Variants in CNTN5 observed in about 807,000 individuals in gnomAD.
The protein encoded by CNTN5 is contactin-5.
Under a neutral mutation model 129.1 loss-of-function variants are expected in CNTN5, and 77 were observed. That is an observed-to-expected ratio of 0.60 (90% CI 0.50 to 0.72). The LOEUF is 0.72. CNTN5 is among the 30% of genes least tolerant of loss of function. The probability of loss-of-function intolerance (pLI) is 0.00; values close to 1 mark genes in which losing one functional copy is unlikely to be tolerated. For synonymous variants in CNTN5, 509 were observed against 465.6 expected, an observed-to-expected ratio of 1.09 and a Z score of -1.20; for missense variants, 1,478 against 1,328.8, an observed-to-expected ratio of 1.11 and a Z score of -1.75.
intron 8 of CNTN5, among the ~76,000 whole-genome samples, chr11:99,999,221 C>T (rs1370117494): frequency 2.0e-5 from 3 of 152,082 alleles, no homozygotes; most frequent in African/African-American, 7.2e-5. Flanking sequence ...GAACAGGCAA[C>T]CAATAAAATG....
At chr11:99,994,716 C>A (rs1939335353) in intron 8 of CNTN5, among the ~76,000 whole-genome samples, 1 of 152,190 alleles carries the variant, frequency 6.6e-6, no homozygotes, top group African/African-American at 2.4e-5. Flanking sequence ...TTGAGGACTG[C>A]TTCACAAGAG....
chr11:99,982,136 A>C (rs1177053196), intron 8 of CNTN5, among the ~76,000 whole-genome samples: 1 of 152,232 alleles, frequency 6.6e-6, no homozygotes, highest in Non-Finnish European at 1.5e-5. Flanking sequence ...TGATAACTTC[A>C]GTGAATGACT....
At chr11:99,547,275 A>T (rs959131771) in intron 2 of CNTN5, among the ~76,000 whole-genome samples, 47 of 152,266 alleles carry the variant, frequency 3.1e-4, no homozygotes, top group African/African-American at 1.1e-3. Flanking sequence ...AAGTGCTGGG[A>T]TTACAGGCGT....
Position 99,042,462 on chromosome 11 carries a change from G to A in CNTN5, c.-210+21192G>A, listed in dbSNP as rs981215339. Among the ~76,000 whole-genome samples, 6 of 132,868 alleles carry A rather than the reference G, an allele frequency of 4.5e-5. No homozygotes were observed. In the South Asian group the frequency reaches 8.0e-4, roughly 18 times the overall value. The allele number at this position is 132,868 out of a possible 152,430, so 87.2% of individuals were successfully genotyped here. On this transcript the variant is annotated intron_variant, in intron 1 of 24. Transcript: ENST00000524871. ...GCAATCTCGGCTCACTGCAAGCTCC[G>A]CCTCCTGGGTTCACACCATTCTCCT... is the stretch of plus-strand genomic sequence containing the variant.
At chr11:99,669,110 C>T (rs548537624) in intron 3 of CNTN5, among the ~76,000 whole-genome samples, 2 of 152,236 alleles carry the variant, frequency 1.3e-5, no homozygotes, top group East Asian at 1.9e-4. Context: ...AGAGCATCTT[C>T]AGTTCTGCCA....
chr11:99,039,074 T>G (rs1385185304), intron 1 of CNTN5, among the ~76,000 whole-genome samples: 2 of 152,132 alleles, frequency 1.3e-5, no homozygotes, highest in South Asian at 2.1e-4. Context: ...AAAGACTTGT[T>G]TTCAAATTAA....
At chr11:99,413,320 A>G (rs1373076001) in intron 2 of CNTN5, among the ~76,000 whole-genome samples, 1 of 152,204 alleles carries the variant, frequency 6.6e-6, no homozygotes, top group African/African-American at 2.4e-5. Flanking sequence ...ACAAGTTATC[A>G]TTAAAGAATT....
chr11:99,934,649 C>A (rs1356472953), intron 7 of CNTN5, among the ~76,000 whole-genome samples: 1 of 151,876 alleles, frequency 6.6e-6, no homozygotes, highest in African/African-American at 2.4e-5. Context: ...CAGCACAAGG[C>A]CATGGTGGGT....
intron 3 of CNTN5, among the ~76,000 whole-genome samples, chr11:99,684,128 C>A (rs1234425461): frequency 1.3e-5 from 2 of 151,710 alleles, no homozygotes; most frequent in East Asian, 3.9e-4. Context: ...CACTTTCACT[C>A]CCTGTTTCTA....
rs1943684778 is a variant in CNTN5, at chr11:99,438,446, G to A, written c.-71+112962G>A. Among the ~76,000 whole-genome samples the A allele has an allele frequency of 5.3e-5, 8 of 151,882 alleles. 1 individual carries two copies. The highest frequency in any genetic ancestry group is 5.3e-4 in the Admixed American group (8 of 15,220). On this transcript the variant is annotated intron_variant, in intron 2 of 24. Transcript: ENST00000524871. The stretch of plus-strand genomic sequence containing the variant: ...ACCTGGCAGTCAGACTTCAGAAACT[G>A]GTCTCTTACACAATTTTAGGTCACC...
intron 7 of CNTN5, among the ~76,000 whole-genome samples, chr11:99,946,000 C>T (rs1053709974): frequency 1.3e-5 from 2 of 152,006 alleles, no homozygotes; most frequent in African/African-American, 4.8e-5. Context: ...CGTTGTTTGA[C>T]ATAAAGTATC....
At chr11:99,219,104 G>T (rs1860272423) in intron 1 of CNTN5, among the ~76,000 whole-genome samples, 1 of 151,838 alleles carries the variant, frequency 6.6e-6, no homozygotes. Flanking sequence ...TAATAGAGGG[G>T]CTTAACATTT....
At chr11:99,838,938 C>T (rs1175526480) in intron 4 of CNTN5, among the ~76,000 whole-genome samples, 1 of 152,078 alleles carries the variant, frequency 6.6e-6, no homozygotes, top group African/African-American at 2.4e-5. Flanking sequence ...AAATTAAGCT[C>T]AACTCCTTGA....
At chr11:99,049,726 G>T (rs552654262) in intron 1 of CNTN5, 15 of 152,236 alleles carry the variant, frequency 9.9e-5, no homozygotes, top group African/African-American at 3.1e-4. Flanking sequence ...TGAATCCACA[G>T]ATGTGTAACC....
intron 3 of CNTN5, among the ~76,000 whole-genome samples, chr11:99,620,916 T>A (rs981371975): frequency 7.9e-6 from 1 of 126,134 alleles, no homozygotes; most frequent in African/African-American, 2.7e-5. Flanking sequence ...CATCTAACTA[T>A]ACTTAGAATT....
Position 100,259,122 on chromosome 11 carries a change from C to CA in CNTN5, c.2164+3212dup, listed in dbSNP as rs200719440. On this transcript the variant is annotated intron_variant, in intron 17 of 24. Transcript: ENST00000524871. ...AAAGATTTACCAAGCAAATGAAGAG[C>CA]AAAAAAAAGCAGGGGTTGCAATCCT... Among the ~76,000 whole-genome samples the CA allele has an allele frequency of 3.6e-3, 544 of 150,630 alleles. 14 individuals are homozygous for CA. In the East Asian group the frequency reaches 0.042, roughly 12 times the overall value.
At chr11:100,231,978 A>T (rs1297915113) in intron 16 of CNTN5, among the ~76,000 whole-genome samples, 1 of 152,048 alleles carries the variant, frequency 6.6e-6, no homozygotes, top group Admixed American at 6.6e-5. Flanking sequence ...ACATGGGGAA[A>T]CCCTGTCTTT....
intron 21 of CNTN5, among the ~76,000 whole-genome samples, chr11:100,311,326 A>G (rs1406975541): frequency 6.6e-6 from 1 of 152,002 alleles, no homozygotes; most frequent in African/African-American, 2.4e-5. Context: ...ATTGTCATTC[A>G]CAGAGATGAG....
At chr11:100,042,954 C>T (rs1942462097) in intron 9 of CNTN5, among the ~76,000 whole-genome samples, 1 of 152,122 alleles carries the variant, frequency 6.6e-6, no homozygotes, top group Non-Finnish European at 1.5e-5. Context: ...AGGAGAAAAA[C>T]AGAACTGTGC....
Sources: gnomAD v4.1 joint callset for allele counts (sites outside exome capture counted in the v4.1 genomes callset) on GRCh38, gnomAD v4.1.1 for gene constraint, MANE v1.5 for transcripts, NCBI Gene and HGNC (gene_info 2026-07-23, HGNC 2026-07-21) for gene names.